C1QTNF3: variants seen among roughly 807,000 people sequenced by gnomAD.
C1QTNF3 encodes the protein complement C1q tumor necrosis factor-related protein 3.
C1QTNF3 carries 26 observed loss-of-function variants against 32.6 expected under a neutral mutation model. The ratio of observed to expected loss-of-function variants is 0.80; its 90% CI spans 0.58 to 1.11. C1QTNF3 has a LOEUF of 1.11. Ranked by LOEUF, C1QTNF3 falls within the 50% of genes least tolerant of loss-of-function variation. The pLI, the probability that C1QTNF3 is intolerant of heterozygous loss-of-function variation, is 0.00. For synonymous variants in C1QTNF3, 155 were observed against 146.0 expected (o/e 1.06, Z -0.44); for missense variants, 362 against 398.2 (o/e 0.91, Z 0.77).
the C1QTNF3 span, among the ~76,000 whole-genome samples, chr5:34,188,636 G>A: frequency 1.3e-5 from 2 of 152,330 alleles, no homozygotes; most frequent in African/African-American, 4.8e-5. Flanking sequence ...CATTTGAAAC[G>A]AGTGTATTTA....
At chr5:34,188,444 G>C in the C1QTNF3 span, among the ~76,000 whole-genome samples, 6 of 152,248 alleles carry the variant, frequency 3.9e-5, no homozygotes, top group South Asian at 2.1e-4. Context: ...CAGCCAGAAG[G>C]GGGGGCCGTA....
the C1QTNF3 span, among the ~76,000 whole-genome samples, chr5:34,147,995 G>T: frequency 6.6e-6 from 1 of 152,102 alleles, no homozygotes; most frequent in Non-Finnish European, 1.5e-5. Context: ...GCCAGTGTGT[G>T]TGCGCACCAT....
At chr5:34,201,347 T>C in the C1QTNF3 span, among the ~76,000 whole-genome samples, 1 of 152,132 alleles carries the variant, frequency 6.6e-6, no homozygotes, top group Non-Finnish European at 1.5e-5. Context: ...TACCAAGAAA[T>C]AGGTTTGTCA....
At chr5:34,107,498 A>C in the C1QTNF3 span, among the ~76,000 whole-genome samples, 1 of 152,042 alleles carries the variant, frequency 6.6e-6, no homozygotes, top group Non-Finnish European at 1.5e-5. Flanking sequence ...ACATTTTTAT[A>C]ATTCTAAATC....
chr5:34,057,050 C>T, the C1QTNF3 span, among the ~76,000 whole-genome samples: 1 of 152,132 alleles, frequency 6.6e-6, no homozygotes, highest in Non-Finnish European at 1.5e-5. Context: ...GTTCAGGAAT[C>T]TGTGAGATAA....
At chr5:34,154,134 T>C in the C1QTNF3 span, among the ~76,000 whole-genome samples, 48 of 152,238 alleles carry the variant, frequency 3.2e-4, no homozygotes, top group African/African-American at 1.2e-3. Context: ...TGAATTATTA[T>C]GGAATTTTTC....
At chr5:34,237,100 AGAGTCACACAC>A in the C1QTNF3 span, among the ~76,000 whole-genome samples, 1 of 152,210 alleles carries the variant, frequency 6.6e-6, no homozygotes, top group Non-Finnish European at 1.5e-5. Flanking sequence ...GAAGGTTATT[AGAGTCACACAC>A]CAGATGAGTA....
In C1QTNF3 at chr5:34,033,469, C is replaced by T. The variant is rs765202151; in HGVS notation, c.416-11G>A. ...TGTTTCCATGGTTTCCTTAAACAAC[C>T]AGACATCATCACATGAGAAAACCCA... On this transcript the variant is annotated splice_polypyrimidine_tract_variant and intron_variant, in intron 2 of 5. Coordinates refer to ENST00000382065, the MANE Select transcript of C1QTNF3 (RefSeq NM_181435.6). 2 of 1,614,000 alleles carry T rather than the reference C, an allele frequency of 1.2e-6. No individual in the cohort carries two copies. The highest frequency in any genetic ancestry group is 2.2e-5 in the South Asian group (2 of 91,084).
chr5:34,127,714 A>C, the C1QTNF3 span, among the ~76,000 whole-genome samples: 3 of 151,714 alleles, frequency 2.0e-5, no homozygotes, highest in Non-Finnish European at 4.4e-5. Context: ...CAGCCTCTCA[A>C]GTAGCTGGGA....
the C1QTNF3 span, among the ~76,000 whole-genome samples, chr5:34,135,086 C>T: frequency 4.0e-3 from 608 of 152,206 alleles, 3 homozygotes; most frequent in Middle Eastern, 0.024. Flanking sequence ...TTTTGAGTTA[C>T]GTTCTATCAA....
chr5:34,134,713 G>C, the C1QTNF3 span, among the ~76,000 whole-genome samples: 1 of 151,980 alleles, frequency 6.6e-6, no homozygotes, highest in East Asian at 1.9e-4. Flanking sequence ...TCATGATTTG[G>C]CTCTCTGTTT....
the C1QTNF3 span, among the ~76,000 whole-genome samples, chr5:34,214,680 C>G: frequency 6.6e-6 from 1 of 152,088 alleles, no homozygotes; most frequent in Non-Finnish European, 1.5e-5. Flanking sequence ...TAATATAACA[C>G]TAAGTCCCAT....
the C1QTNF3 span, among the ~76,000 whole-genome samples, chr5:34,068,882 T>C: frequency 6.6e-6 from 1 of 152,168 alleles, no homozygotes; most frequent in Non-Finnish European, 1.5e-5. Flanking sequence ...TTCTTAATTA[T>C]TTGATTAGTT....
Position 34,023,897 on chromosome 5 carries a change from A to G in C1QTNF3, c.800+12T>C. The G allele has an allele frequency of 6.2e-7, 1 of 1,611,022 alleles. No individual in the cohort carries two copies. Among genetic ancestry groups the G allele is most frequent in the Non-Finnish European group, 8.5e-7 (1 of 1,177,216 alleles). ...AGCATGGATGAGACCCATGACAGAA[A>G]AGACCACCCACCTGTACATGCTGAA... is the stretch of plus-strand genomic sequence containing the variant. On this transcript the variant is annotated intron_variant, in intron 5 of 5. Transcript: ENST00000382065.
the C1QTNF3 span, among the ~76,000 whole-genome samples, chr5:34,174,150 G>A: frequency 2.6e-5 from 4 of 152,166 alleles, no homozygotes; most frequent in African/African-American, 7.2e-5. Flanking sequence ...CTCCGCCTCC[G>A]AGGTTTAAGC....
chr5:34,030,984 C>T (rs374999373), intron 3 of C1QTNF3, among the ~76,000 whole-genome samples: 2 of 152,042 alleles, frequency 1.3e-5, no homozygotes, highest in African/African-American at 4.8e-5. Context: ...CCAATGGGTA[C>T]TAGGCTTAAT....
At chr5:34,039,245 G>C (rs982494862) in intron 1 of C1QTNF3, among the ~76,000 whole-genome samples, 3 of 152,144 alleles carry the variant, frequency 2.0e-5, no homozygotes, top group African/African-American at 7.2e-5. Flanking sequence ...GAGAAGTAAC[G>C]CAAGACCCCA....
At chr5:34,059,238 C>T in the C1QTNF3 span, among the ~76,000 whole-genome samples, 66 of 152,038 alleles carry the variant, frequency 4.3e-4, no homozygotes, top group Non-Finnish European at 8.2e-4. Context: ...CTTGCTGAGT[C>T]CCTACATGGT....
At chr5:34,024,315 TTCCTGGGCATAGGTTAGCGA>T in intron 4 of C1QTNF3, 1 of 274,432 alleles carries the variant, frequency 3.6e-6, no homozygotes, top group Admixed American at 4.7e-5. Flanking sequence ...GTAGGCGTTG[TTCCTGGGCATAGGTTAGCGA>T]TCATCCTCAT....
Sources: allele counts gnomAD v4.1 joint callset (sites outside exome capture counted in the v4.1 genomes callset), GRCh38; gene constraint gnomAD v4.1.1; transcripts MANE v1.5; gene names NCBI Gene and HGNC (gene_info 2026-07-23, HGNC 2026-07-21).